SLC27A6: variants seen among roughly 807,000 people sequenced by gnomAD.
The protein encoded by SLC27A6 is solute carrier family 27 member 6.
Under a neutral mutation model 63.9 loss-of-function variants are expected in SLC27A6, and 74 were observed. That is an observed-to-expected ratio of 1.16 (90% CI 0.96 to 1.40). SLC27A6 has a LOEUF of 1.40. Ranked by LOEUF, SLC27A6 falls within the 40% of genes most tolerant of loss-of-function variation. SLC27A6 has a pLI of 0.00. For synonymous variants in SLC27A6, 287 were observed against 260.8 expected (o/e 1.10, Z -0.97); for missense variants, 794 against 732.9 (o/e 1.08, Z -0.96).
chr5:129,027,854 TAAAAC>T (rs753301014), intron 7 of SLC27A6, among the ~76,000 whole-genome samples: 92 of 152,210 alleles, frequency 6.0e-4, no homozygotes, highest in Non-Finnish European at 1.1e-3. Flanking sequence ...TTATTTCAAT[TAAAAC>T]AAAATATTCA....
chr5:129,010,790 C>T (rs928125283), intron 4 of SLC27A6, among the ~76,000 whole-genome samples: 23 of 152,218 alleles, frequency 1.5e-4, no homozygotes, highest in African/African-American at 5.5e-4. Context: ...CAAGAACCTG[C>T]ATGAGCTTGG....
intron 4 of SLC27A6, among the ~76,000 whole-genome samples, chr5:128,991,978 A>T (rs1474825052): frequency 6.6e-6 from 1 of 151,438 alleles, no homozygotes; most frequent in Non-Finnish European, 1.5e-5. Flanking sequence ...GACTATAAAG[A>T]AGTTACTTTC....
intron 4 of SLC27A6, among the ~76,000 whole-genome samples, chr5:129,002,744 G>T (rs1441268516): frequency 6.6e-6 from 1 of 152,156 alleles, no homozygotes; most frequent in Non-Finnish European, 1.5e-5. Context: ...ATGTGAACTT[G>T]GATCTGAACT....
intron 4 of SLC27A6, among the ~76,000 whole-genome samples, chr5:128,992,324 G>T (rs891731876): frequency 6.6e-6 from 1 of 152,004 alleles, no homozygotes. Flanking sequence ...TGGTGTGCTG[G>T]GATATCTTCT....
chr5:129,012,790 C>A (rs1269447987), intron 4 of SLC27A6, among the ~76,000 whole-genome samples: 2 of 151,774 alleles, frequency 1.3e-5, no homozygotes, highest in Non-Finnish European at 2.9e-5. Flanking sequence ...TATGGCTTAC[C>A]TTTTTCCATC....
rs1027295793 is a variant in SLC27A6, at chr5:128,965,620, T to TC, written c.-516dup. Reference sequence around the variant, plus strand: ...AGCTTTTCCCGGCTCGAATTCAGCCTCCAACTCAAGCTCGCGGGAAAGACT... The same window carrying TC: ...AGCTTTTCCCGGCTCGAATTCAGCCTCCCAACTCAAGCTCGCGGGAAAGACT... On this transcript the variant is annotated 5_prime_UTR_variant, in exon 1 of 10. Coordinates refer to ENST00000262462, the MANE Select transcript of SLC27A6 (RefSeq NM_001017372.3). 2.0e-5 allele frequency: 3 copies of TC among 152,964 alleles called. No homozygotes were observed. The highest frequency in any genetic ancestry group is 7.2e-5 in the African/African-American group (3 of 41,492). 9.5% of individuals were successfully genotyped at this position (152,964 alleles called of 1,614,324 possible). A position where few individuals can be genotyped will look rare whatever the true frequency, so the allele number is the denominator to read the frequency against.
chr5:128,974,030 T>C (rs1232645351), intron 1 of SLC27A6, among the ~76,000 whole-genome samples: 4 of 152,224 alleles, frequency 2.6e-5, no homozygotes, highest in Non-Finnish European at 5.9e-5. Flanking sequence ...CCGTAAGTTC[T>C]GTTTACAAGG....
chr5:129,008,959 C>T (rs1034682053), intron 4 of SLC27A6, among the ~76,000 whole-genome samples: 3 of 150,926 alleles, frequency 2.0e-5, no homozygotes, highest in Non-Finnish European at 3.0e-5. Flanking sequence ...CTCCTCCTCC[C>T]GGGTTCAAGC....
In SLC27A6 at chr5:128,966,037, T is replaced by G; in HGVS notation, c.-101T>G. ...TGACAAGAACTTCAGGTGTAAGCCCTGAGTAGTGAGGATCTGCGGTCTCCG... is the reference window on the plus strand; with the variant it reads ...TGACAAGAACTTCAGGTGTAAGCCCGGAGTAGTGAGGATCTGCGGTCTCCG... On this transcript the variant is annotated 5_prime_UTR_variant, in exon 1 of 10. Coordinates refer to ENST00000262462, the MANE Select transcript of SLC27A6 (RefSeq NM_001017372.3). The G allele has an allele frequency of 1.4e-6, 2 of 1,396,146 alleles. No homozygotes were observed. The highest frequency in any genetic ancestry group is 1.9e-6 in the Non-Finnish European group (2 of 1,046,060). The allele number at this position is 1,396,146 out of a possible 1,614,324, so 86.5% of individuals were successfully genotyped here. A position where few individuals can be genotyped will look rare whatever the true frequency, so the allele number is the denominator to read the frequency against.
At chr5:128,997,947 A>G (rs1021296381) in intron 4 of SLC27A6, among the ~76,000 whole-genome samples, 2 of 152,036 alleles carry the variant, frequency 1.3e-5, no homozygotes, top group African/African-American at 4.8e-5. Flanking sequence ...TATGTGAAAA[A>G]CTGTAAACAA....
intron 4 of SLC27A6, among the ~76,000 whole-genome samples, chr5:129,004,041 A>T (rs543918907): frequency 6.6e-5 from 10 of 151,780 alleles, no homozygotes; most frequent in African/African-American, 2.4e-4. Context: ...GAGAACTCAG[A>T]GAACGTGTCT....
intron 5 of SLC27A6, among the ~76,000 whole-genome samples, chr5:129,019,902 A>C (rs1426003039): frequency 6.6e-6 from 1 of 152,100 alleles, no homozygotes; most frequent in Non-Finnish European, 1.5e-5. Flanking sequence ...ATCAAAGAAA[A>C]AAATAATTAT....
chr5:129,028,529 A>G (rs921998418), intron 8 of SLC27A6, 87 bp downstream of exon 8: 88 of 782,682 alleles, frequency 1.1e-4, no homozygotes, highest in Middle Eastern at 3.6e-4. Flanking sequence ...CTAATTCAAC[A>G]TTTTAATTTT....
In SLC27A6 at chr5:128,990,395, C is replaced by T. The variant is rs903621813; in HGVS notation, c.900C>T (p.Cys300=). ...KFSASQFWSD[C]KKYDVTVFQY... is the part of the protein sequence containing the mutation. The stretch of plus-strand genomic sequence containing the variant: ...CAGCAAGCCAGTTTTGGAGTGACTG[C>T]AAGAAGTATGATGTGACTGTGTTTC... The change falls in exon 4 of 10, where the codon TGC becomes TGT. Residue 300 remains cysteine (C), a synonymous_variant. Transcript: ENST00000262462. The T allele has an allele frequency of 3.1e-6, 5 of 1,613,680 alleles. No homozygotes were observed. The African/African-American group carries it at 6.7e-5, about 22-fold the overall frequency.
At chr5:128,987,844 A>G (rs1750843928) in intron 2 of SLC27A6, among the ~76,000 whole-genome samples, 1 of 152,108 alleles carries the variant, frequency 6.6e-6, no homozygotes, top group Non-Finnish European at 1.5e-5. Flanking sequence ...GAAATAAGGA[A>G]GGAAAGAGAA....
intron 1 of SLC27A6, among the ~76,000 whole-genome samples, chr5:128,972,351 A>T (rs62399682): frequency 6.6e-6 from 1 of 152,012 alleles, no homozygotes; most frequent in African/African-American, 2.4e-5. Context: ...ATATCCTGAA[A>T]AGTGTTTTCC....
intron 9 of SLC27A6, 111 bp downstream of exon 9, chr5:129,029,818 C>T (rs527980386): frequency 1.0e-4 from 95 of 954,240 alleles, no homozygotes; most frequent in Non-Finnish European, 6.9e-5. Context: ...ATGTGAGAGG[C>T]GTGGCGTGTA....
intron 4 of SLC27A6, among the ~76,000 whole-genome samples, chr5:128,996,376 C>T (rs992264600): frequency 6.6e-6 from 1 of 152,106 alleles, no homozygotes; most frequent in Admixed American, 6.6e-5. Context: ...CAGAAAACAT[C>T]CTTATGATTC....
chr5:129,003,967 CAAAAAAAAAA>C (rs779667758), intron 4 of SLC27A6, among the ~76,000 whole-genome samples: 1 of 69,426 alleles, frequency 1.4e-5, no homozygotes, highest in Non-Finnish European at 2.8e-5. Context: ...GACCCTGTCT[CAAAAAAAAAA>C]AAAAAAAAAA....
Sources: allele counts gnomAD v4.1 joint callset (sites outside exome capture counted in the v4.1 genomes callset), GRCh38; gene constraint gnomAD v4.1.1; transcripts MANE v1.5; gene names NCBI Gene and HGNC (gene_info 2026-07-23, HGNC 2026-07-21).